Variants in SRFBP1 observed in about 807,000 individuals in gnomAD.
The protein encoded by SRFBP1 is serum response factor binding protein 1, also known as serum response factor-binding protein 1.
In SRFBP1, 47 loss-of-function variants were observed where a neutral mutation model predicts 45.5. That is an observed-to-expected ratio of 1.03 (90% CI 0.82 to 1.32). The LOEUF is 1.32. Among genes scored for constraint, SRFBP1 ranks in the 40% most tolerant of loss-of-function variants. The probability of loss-of-function intolerance (pLI) is 0.00; values close to 1 mark genes in which losing one functional copy is unlikely to be tolerated. For synonymous variants in SRFBP1, 203 were observed against 166.3 expected, an observed-to-expected ratio of 1.22 and a Z score of -1.70; for missense variants, 621 against 484.6, an observed-to-expected ratio of 1.28 and a Z score of -2.64.
intron 7 of SRFBP1, 86 bp from the exon 8 acceptor site, chr5:122,026,856 A>G: frequency 6.3e-6 from 6 of 955,310 alleles, no homozygotes; most frequent in Non-Finnish European, 8.7e-6. Context: ...TTCTTTTTTT[A>G]ACATTGGTTT....
At chr5:122,023,221 A>C (rs1398800681) in intron 7 of SRFBP1, among the ~76,000 whole-genome samples, 1 of 152,198 alleles carries the variant, frequency 6.6e-6, no homozygotes, top group Non-Finnish European at 1.5e-5. Context: ...TGAACACATA[A>C]CTTTTTCTTC....
intron 2 of SRFBP1, among the ~76,000 whole-genome samples, chr5:122,075,098 A>G (rs1226084345): frequency 6.6e-6 from 1 of 152,228 alleles, no homozygotes; most frequent in Non-Finnish European, 1.5e-5. Flanking sequence ...CTAACTTTAG[A>G]TGATCTTGGC....
At chr5:122,035,638 T>C (rs1753681953) in intron 2 of SRFBP1, among the ~76,000 whole-genome samples, 1 of 152,212 alleles carries the variant, frequency 6.6e-6, no homozygotes, top group Non-Finnish European at 1.5e-5. Flanking sequence ...GAAATAATGA[T>C]CATTCCAGCT....
intron 2 of SRFBP1, among the ~76,000 whole-genome samples, chr5:122,047,370 T>A (rs1753882202): frequency 6.6e-6 from 1 of 152,190 alleles, no homozygotes; most frequent in Non-Finnish European, 1.5e-5. Context: ...TATGTGGCAT[T>A]ATTTCTGAGG....
intron 2 of SRFBP1, chr5:122,073,863 A>T: frequency 3.0e-6 from 2 of 671,420 alleles, no homozygotes; most frequent in Non-Finnish European, 5.1e-6. Flanking sequence ...CATGGGGTAT[A>T]TCATCTACAG....
At chr5:121,998,471 C>T (rs1050527957) in intron 4 of SRFBP1, among the ~76,000 whole-genome samples, 4 of 131,938 alleles carry the variant, frequency 3.0e-5, no homozygotes, top group African/African-American at 1.2e-4. Context: ...ACAATGAGAT[C>T]ACATGGACAC....
chr5:122,078,099 G>A, downstream of SRFBP1: 2 of 1,008,412 alleles, frequency 2.0e-6, no homozygotes, highest in Non-Finnish European at 2.7e-6. Context: ...GGCGAGCGGA[G>A]CACGGGTATC....
At chr5:122,029,849 A>C (rs1753562292), downstream of SRFBP1, among the ~76,000 whole-genome samples, 1 of 152,210 alleles carries the variant, frequency 6.6e-6, no homozygotes, top group Admixed American at 6.5e-5. Context: ...TAAGTCCTTC[A>C]TTATTTTAGT....
chr5:121,978,970 A>T (rs1752357361), intron 3 of SRFBP1, among the ~76,000 whole-genome samples: 1 of 152,126 alleles, frequency 6.6e-6, no homozygotes, highest in South Asian at 2.1e-4. Context: ...CTAGTTTTAC[A>T]TTCTGAAATC....
chr5:122,004,610 A>T (rs753292563), intron 4 of SRFBP1, among the ~76,000 whole-genome samples: 1 of 151,566 alleles, frequency 6.6e-6, no homozygotes, highest in Non-Finnish European at 1.5e-5. Context: ...TCAAAAACCA[A>T]CTCTTGGTTT....
chr5:122,048,196 T>G (rs1753899042), intron 2 of SRFBP1, among the ~76,000 whole-genome samples: 2 of 152,198 alleles, frequency 1.3e-5, no homozygotes, highest in African/African-American at 4.8e-5. Context: ...CGTAGATAGC[T>G]CTTATTATTT....
intron 1 of SRFBP1, among the ~76,000 whole-genome samples, chr5:121,971,553 G>T (rs1402196570): frequency 6.6e-6 from 1 of 151,964 alleles, no homozygotes; most frequent in African/African-American, 2.4e-5. Context: ...GCAGGAAGTT[G>T]CACATTTGGG....
chr5:122,049,993 T>G (rs1164159239), intron 2 of SRFBP1, among the ~76,000 whole-genome samples: 1 of 152,064 alleles, frequency 6.6e-6, no homozygotes, highest in African/African-American at 2.4e-5. Flanking sequence ...CTGCATCTAT[T>G]TAGATAATCA....
At chr5:121,966,327 A>C (rs1449605094) in intron 1 of SRFBP1, among the ~76,000 whole-genome samples, 1 of 152,208 alleles carries the variant, frequency 6.6e-6, no homozygotes, top group Non-Finnish European at 1.5e-5. Flanking sequence ...TTTTTACTCT[A>C]TCCTGATGAT....
intron 4 of SRFBP1, among the ~76,000 whole-genome samples, chr5:122,018,490 A>G (rs1351668793): frequency 1.3e-5 from 2 of 152,204 alleles, no homozygotes; most frequent in African/African-American, 4.8e-5. Flanking sequence ...AGCAACCAGA[A>G]CAATGGAAAT....
At chr5:122,033,132 AT>A (rs999274942), downstream of SRFBP1, among the ~76,000 whole-genome samples, 142 of 139,476 alleles carry the variant, frequency 1.0e-3, no homozygotes, top group Admixed American at 1.3e-3. Flanking sequence ...AATTTTTTGA[AT>A]TTTTTTTTTT....
exon 3 of SRFBP1, chr5:122,075,427 G>A: frequency 6.2e-7 from 1 of 1,613,432 alleles, no homozygotes. Flanking sequence ...GCCATTCCCA[G>A]GAATATCTTG....
At chr5:122,068,174 T>A (rs201114740) in intron 2 of SRFBP1, among the ~76,000 whole-genome samples, 27 of 115,886 alleles carry the variant, frequency 2.3e-4, no homozygotes, top group East Asian at 7.6e-4. Flanking sequence ...TAATAACTAG[T>A]AAAAAAAAAA....
rs562117095 is a variant in SRFBP1 at position 122,024,039 on chromosome 5, T to A, written c.1105+1632T>A. 2.0e-5 allele frequency among the ~76,000 whole-genome samples: 3 copies of A among 152,332 alleles called. No homozygotes were observed. The East Asian group carries it at 5.8e-4, about 29-fold the overall frequency. On this transcript the variant is annotated intron_variant, in intron 7 of 7. Coordinates refer to ENST00000339397, the MANE Select transcript of SRFBP1 (RefSeq NM_152546.3). ...AGGGCTGAGTTGCTGTGGGCAACTTTTCTTAGACTTACAGGTTACTGTTTG... is the reference window on the plus strand; with the variant it reads ...AGGGCTGAGTTGCTGTGGGCAACTTATCTTAGACTTACAGGTTACTGTTTG...
Sources: gnomAD v4.1 joint callset for allele counts (sites outside exome capture counted in the v4.1 genomes callset) on GRCh38, gnomAD v4.1.1 for gene constraint, MANE v1.5 for transcripts, NCBI Gene and HGNC (gene_info 2026-07-23, HGNC 2026-07-21) for gene names.